Variants in LRRC4C observed in about 807,000 individuals in gnomAD.
The protein encoded by LRRC4C is leucine-rich repeat-containing protein 4C.
LRRC4C carries 5 observed loss-of-function variants against 33.6 expected under a neutral mutation model. The observed-to-expected ratio is 0.15, with a 90% CI of 0.08 to 0.31. The LOEUF is 0.31. Ranked by LOEUF, LRRC4C falls within the 10% of genes least tolerant of loss-of-function variation. LRRC4C has a pLI of 1.00. For missense variants in LRRC4C, 560 were observed against 796.7 expected (o/e 0.70, Z 3.58); for synonymous variants, 329 against 302.0 (o/e 1.09, Z -0.93).
At chr11:41,074,396 T>C (rs961899686) in intron 1 of LRRC4C, among the ~76,000 whole-genome samples, 1 of 152,180 alleles carries the variant, frequency 6.6e-6, no homozygotes, top group Admixed American at 6.6e-5. Flanking sequence ...TCAGTGGGGA[T>C]TTTCTGTATT....
intron 3 of LRRC4C, among the ~76,000 whole-genome samples, chr11:40,554,695 T>C (rs1416541873): frequency 6.6e-6 from 1 of 151,938 alleles, no homozygotes; most frequent in African/African-American, 2.4e-5. Context: ...TTAGATATAT[T>C]CCTACTTTTT....
chr11:41,085,388 C>G (rs1939894342), intron 1 of LRRC4C, among the ~76,000 whole-genome samples: 1 of 152,120 alleles, frequency 6.6e-6, no homozygotes, highest in African/African-American at 2.4e-5. Context: ...GTATATCTCT[C>G]TTAAAGTTGT....
intron 1 of LRRC4C, among the ~76,000 whole-genome samples, chr11:41,025,568 G>A (rs1048466510): frequency 1.1e-4 from 17 of 151,700 alleles, no homozygotes; most frequent in East Asian, 3.9e-4. Flanking sequence ...TGAAGCTAGC[G>A]GAGGCTGGTT....
intron 1 of LRRC4C, among the ~76,000 whole-genome samples, chr11:40,971,576 G>A (rs1851731912): frequency 6.6e-6 from 1 of 152,194 alleles, no homozygotes; most frequent in Admixed American, 6.5e-5. Context: ...GAGTAGCACA[G>A]ATGGAAAATA....
intron 2 of LRRC4C, among the ~76,000 whole-genome samples, chr11:40,766,127 C>T (rs773139783): frequency 6.1e-5 from 9 of 148,666 alleles, no homozygotes; most frequent in Non-Finnish European, 1.3e-4. Context: ...GATCTGACAG[C>T]AGACTTCTCA....
At chr11:41,279,775 C>A (rs10837616) in intron 1 of LRRC4C, among the ~76,000 whole-genome samples, 26,033 of 152,080 alleles carry the variant, frequency 0.17, 2,526 homozygotes, top group South Asian at 0.3. Flanking sequence ...TGGAAAATAT[C>A]TTTAATTACT....
chr11:40,539,383 T>C (rs1365095112), intron 3 of LRRC4C, among the ~76,000 whole-genome samples: 2 of 152,178 alleles, frequency 1.3e-5, no homozygotes, highest in Non-Finnish European at 2.9e-5. Context: ...CTCTTTTCTA[T>C]CTGCTAGAAT....
At chr11:41,014,499 T>C (rs1301593853) in intron 1 of LRRC4C, among the ~76,000 whole-genome samples, 1 of 151,926 alleles carries the variant, frequency 6.6e-6, no homozygotes, top group Non-Finnish European at 1.5e-5. Flanking sequence ...TTTTTTTTTT[T>C]TTTTCTGAGC....
At chr11:40,618,404 A>G (rs1962084008) in intron 3 of LRRC4C, among the ~76,000 whole-genome samples, 1 of 151,662 alleles carries the variant, frequency 6.6e-6, no homozygotes, top group African/African-American at 2.4e-5. Flanking sequence ...GAGCCTCTAT[A>G]ATGAACCAAT....
intron 3 of LRRC4C, among the ~76,000 whole-genome samples, chr11:40,621,265 G>A (rs1962428447): frequency 6.6e-6 from 1 of 150,904 alleles, no homozygotes; most frequent in Admixed American, 6.6e-5. Flanking sequence ...TTTTAATCCT[G>A]AAAATAATGG....
intron 3 of LRRC4C, among the ~76,000 whole-genome samples, chr11:40,477,933 A>G (rs74549662): frequency 0.029 from 4,472 of 152,266 alleles, 225 homozygotes; most frequent in African/African-American, 0.1. Context: ...TTTTCTGTGC[A>G]GTTCTCATGA....
At chr11:40,849,727 G>T (rs1338353711) in intron 2 of LRRC4C, among the ~76,000 whole-genome samples, 1 of 151,934 alleles carries the variant, frequency 6.6e-6, no homozygotes, top group African/African-American at 2.4e-5. Context: ...ATCCTTAATT[G>T]TGTTTTCCAA....
chr11:41,126,954 G>A (rs1942772774), intron 1 of LRRC4C, among the ~76,000 whole-genome samples: 1 of 152,080 alleles, frequency 6.6e-6, no homozygotes, highest in Non-Finnish European at 1.5e-5. Context: ...GTTACTTTAA[G>A]CCACTATGTT....
intron 3 of LRRC4C, among the ~76,000 whole-genome samples, chr11:40,371,562 G>A (rs1179707261): frequency 1.3e-5 from 2 of 152,144 alleles, no homozygotes; most frequent in Admixed American, 6.5e-5. Context: ...GACTTGCTGA[G>A]TTTAAAGGCT....
chr11:41,167,802 A>C (rs1156522382), intron 1 of LRRC4C, among the ~76,000 whole-genome samples: 1 of 152,176 alleles, frequency 6.6e-6, no homozygotes, highest in Non-Finnish European at 1.5e-5. Context: ...CCTGCAATGA[A>C]TTTGCATAAT....
chr11:41,432,620 G>A (rs1258027948), intron 1 of LRRC4C, among the ~76,000 whole-genome samples: 2 of 152,020 alleles, frequency 1.3e-5, no homozygotes, highest in African/African-American at 2.4e-5. Flanking sequence ...GAAAAATTAA[G>A]GAAAGATGTA....
At chr11:40,776,051 T>A (rs1372717220) in intron 2 of LRRC4C, among the ~76,000 whole-genome samples, 1 of 148,464 alleles carries the variant, frequency 6.7e-6, no homozygotes, top group East Asian at 1.9e-4. Context: ...TTGCTCTTAA[T>A]TCTGTATATG....
chr11:40,249,288 G>A (rs1326350614), intron 4 of LRRC4C, among the ~76,000 whole-genome samples: 1 of 151,994 alleles, frequency 6.6e-6, no homozygotes, highest in Admixed American at 6.6e-5. Flanking sequence ...GCAGTGAGCC[G>A]AGATCGCACT....
intron 1 of LRRC4C, among the ~76,000 whole-genome samples, chr11:41,112,769 G>T (rs10837572): frequency 0.2 from 31,123 of 151,920 alleles, 3,828 homozygotes; most frequent in East Asian, 0.33. Flanking sequence ...TTTCAAATCT[G>T]AGTAAAAAGA....
Sources: gnomAD v4.1 joint callset for allele counts (sites outside exome capture counted in the v4.1 genomes callset) on GRCh38, gnomAD v4.1.1 for gene constraint, MANE v1.5 for transcripts, NCBI Gene and HGNC (gene_info 2026-07-23, HGNC 2026-07-21) for gene names.